PDE5A: variants seen among roughly 807,000 people sequenced by gnomAD.
The protein encoded by PDE5A is phosphodiesterase 5A.
Under a neutral mutation model 110.2 loss-of-function variants are expected in PDE5A, and 67 were observed. That is an observed-to-expected ratio of 0.61 (90% CI 0.50 to 0.75). The LOEUF is 0.75. Among genes scored for constraint, PDE5A ranks in the 30% least tolerant of loss-of-function variants. The pLI is 0.00. For missense variants in PDE5A, 862 were observed against 1,045.1 expected (o/e 0.82, Z 2.42); for synonymous variants, 328 against 351.2 (o/e 0.93, Z 0.74).
intron 12 of PDE5A, among the ~76,000 whole-genome samples, chr4:119,523,039 A>C (rs1284176559): frequency 1.3e-5 from 2 of 152,210 alleles, no homozygotes; most frequent in East Asian, 3.9e-4. Flanking sequence ...TATATAAAGG[A>C]AATAAGTAAA....
intron 3 of PDE5A, among the ~76,000 whole-genome samples, chr4:119,567,901 C>T (rs1435857079): frequency 6.6e-6 from 1 of 152,136 alleles, no homozygotes; most frequent in Admixed American, 6.6e-5. Context: ...TCTACTCTTT[C>T]CTTTCTTCTG....
At chr4:119,504,199 G>GTGTT (rs1157619299) in intron 18 of PDE5A, among the ~76,000 whole-genome samples, 1 of 152,072 alleles carries the variant, frequency 6.6e-6, no homozygotes. Context: ...AGAATGTGCA[G>GTGTT]TGTTTGATTT....
intron 19 of PDE5A, 189 bp downstream of exon 19, chr4:119,502,390 CTT>C (rs893680684): frequency 2.7e-5 from 12 of 450,992 alleles, no homozygotes; most frequent in African/African-American, 2.4e-4. Context: ...ACCCAAGAGT[CTT>C]TATTATGCCT....
chr4:119,600,113 G>A (rs1239224433), intron 2 of PDE5A, among the ~76,000 whole-genome samples: 5 of 151,926 alleles, frequency 3.3e-5, no homozygotes, highest in Non-Finnish European at 4.4e-5. Context: ...AAGTGCGAAA[G>A]GAAATTCTGT....
chr4:119,554,302 A>G (rs1337170440), intron 7 of PDE5A, among the ~76,000 whole-genome samples: 1 of 151,736 alleles, frequency 6.6e-6, no homozygotes, highest in Non-Finnish European at 1.5e-5. Flanking sequence ...TCCTCTCTAC[A>G]CCTTTTTTCT....
intron 1 of PDE5A, among the ~76,000 whole-genome samples, chr4:119,621,099 A>C (rs1730126615): frequency 6.6e-6 from 1 of 152,236 alleles, no homozygotes; most frequent in Non-Finnish European, 1.5e-5. Context: ...TTACAGTTGC[A>C]TAAATGTTGT....
intron 13 of PDE5A, chr4:119,519,521 T>A (rs11728616): frequency 0.26 from 43,659 of 165,908 alleles, 5,826 homozygotes; most frequent in East Asian, 0.37. Flanking sequence ...AGTTGCTGTG[T>A]CCTTAAGGAA....
intron 5 of PDE5A, among the ~76,000 whole-genome samples, chr4:119,563,369 T>C (rs1727812066): frequency 6.6e-6 from 1 of 152,202 alleles, no homozygotes; most frequent in Non-Finnish European, 1.5e-5. Flanking sequence ...TCCAAACTTT[T>C]CAGATCAACA....
At chr4:119,585,907 T>C (rs768962761) in intron 3 of PDE5A, among the ~76,000 whole-genome samples, 4 of 152,192 alleles carry the variant, frequency 2.6e-5, no homozygotes, top group African/African-American at 4.8e-5. Context: ...GAGCAACTTA[T>C]GAAGAGCCCA....
chr4:119,603,222 A>T (rs1295853512), intron 2 of PDE5A, among the ~76,000 whole-genome samples: 2 of 152,160 alleles, frequency 1.3e-5, no homozygotes, highest in African/African-American at 4.8e-5. Flanking sequence ...TCTTCTTGTT[A>T]TTCATAAATG....
At chr4:119,576,946 C>A (rs1383976231) in intron 3 of PDE5A, among the ~76,000 whole-genome samples, 1 of 139,132 alleles carries the variant, frequency 7.2e-6, no homozygotes, top group Non-Finnish European at 1.6e-5. Context: ...GCTAGCAAGA[C>A]TAATAAAGAA....
chr4:119,612,059 C>T (rs1729772391), intron 1 of PDE5A, among the ~76,000 whole-genome samples: 2 of 152,156 alleles, frequency 1.3e-5, no homozygotes, highest in Admixed American at 1.3e-4. Context: ...AATTAAAATT[C>T]TTATATAAGA....
chr4:119,504,483 G>A, intron 18 of PDE5A, 53 bp downstream of exon 18: 6 of 1,402,434 alleles, frequency 4.3e-6, no homozygotes, highest in Non-Finnish European at 5.0e-6. Flanking sequence ...GGATTGCTGG[G>A]TAGAATGTTA....
chr4:119,582,001 T>C (rs1475116276), intron 3 of PDE5A, among the ~76,000 whole-genome samples: 6 of 152,188 alleles, frequency 3.9e-5, no homozygotes, highest in Admixed American at 6.6e-5. Context: ...AGGGTGGTGG[T>C]TGCTGACGGA....
chr4:119,504,685 T>C, intron 17 of PDE5A, 86 bp from the exon 18 acceptor site: 1 of 1,073,490 alleles, frequency 9.3e-7, no homozygotes. Flanking sequence ...TAAAAAAAAG[T>C]TAAAACCCTC....
chr4:119,554,241 CCTT>C (rs1293684010), intron 7 of PDE5A, among the ~76,000 whole-genome samples: 2 of 152,206 alleles, frequency 1.3e-5, no homozygotes, highest in East Asian at 1.9e-4. Flanking sequence ...TTTTCTTTCT[CCTT>C]CTGTCTTTTT....
rs1725020148 is a variant in PDE5A, at chr4:119,495,270, T to C, written c.*3331A>G. On this transcript the variant is annotated 3_prime_UTR_variant, in exon 21 of 21. Coordinates refer to ENST00000354960, the MANE Select transcript of PDE5A (RefSeq NM_001083.4). The stretch of plus-strand genomic sequence containing the variant: ...ACCGTGAGCTCCTTGGGGTCACTGC[T>C]CTGTCTCCACAGCAGAGCACGGTAC... 6.6e-6 allele frequency: 1 copy of C among 152,154 alleles called. No individual in the cohort carries two copies. 9.4% of individuals were successfully genotyped at this position (152,154 alleles called of 1,614,324 possible). A position where few individuals can be genotyped will look rare whatever the true frequency, so the allele number is the denominator to read the frequency against.
Position 119,505,903 on chromosome 4 carries a change from C to T in PDE5A, c.2219G>A (p.Arg740Lys), listed in dbSNP as rs139979143. 7.5e-3 allele frequency: 11,719 copies of T among 1,567,908 alleles called. 76 individuals are homozygous for T. Among genetic ancestry groups the T allele is most frequent in the Non-Finnish European group, 9.1e-3 (10,524 of 1,158,806 alleles). ...KRRGEFFELIRKNQFNLEDPH... is the reference protein window; with the variant it reads ...KRRGEFFELIKKNQFNLEDPH... ...ATCTTCCAAATTGAATTGATTTTTTCTTATAAGTTCAAAAAATTCTCCTCG... is the reference window on the plus strand; with the variant it reads ...ATCTTCCAAATTGAATTGATTTTTTTTTATAAGTTCAAAAAATTCTCCTCG... Residue 740 changes from arginine to lysine, a missense_variant, in exon 17 of 21, where the codon AGA becomes AAA. Arg to Lys is a conservative substitution (Grantham distance 26). Transcript: ENST00000354960.
chr4:119,538,702 G>A (rs1358254797), intron 11 of PDE5A: 1 of 371,060 alleles, frequency 2.7e-6, no homozygotes, highest in East Asian at 4.8e-5. Flanking sequence ...TAAAAGAAAA[G>A]TAAATTTAAT....
Sources: gnomAD v4.1 joint callset for allele counts (sites outside exome capture counted in the v4.1 genomes callset) on GRCh38, gnomAD v4.1.1 for gene constraint, MANE v1.5 for transcripts, NCBI Gene and HGNC (gene_info 2026-07-23, HGNC 2026-07-21) for gene names.